GRM8: variants seen among roughly 807,000 people sequenced by gnomAD.
GRM8 encodes the protein glutamate metabotropic receptor 8, also known as metabotropic glutamate receptor 8.
Under a neutral mutation model 87.2 loss-of-function variants are expected in GRM8, and 47 were observed. The observed-to-expected ratio is 0.54, with a 90% confidence interval of 0.43 to 0.69. The LOEUF (loss-of-function observed/expected upper bound fraction) is 0.69, where lower values mean the gene tolerates loss of function less well. Ranked by LOEUF, GRM8 falls within the 30% of genes least tolerant of loss-of-function variation. The pLI is 0.00. For missense variants in GRM8, 1,019 were observed against 1,139.2 expected (o/e 0.89, Z 1.52); for synonymous variants, 396 against 404.5 (o/e 0.98, Z 0.25).
intron 7 of GRM8, among the ~76,000 whole-genome samples, chr7:126,707,951 G>A (rs912440651): frequency 6.6e-6 from 1 of 151,984 alleles, no homozygotes; most frequent in African/African-American, 2.4e-5. Flanking sequence ...TCAACAAAAT[G>A]AAAAGGCAAC....
At chr7:126,882,016 T>C (rs570497460) in intron 6 of GRM8, among the ~76,000 whole-genome samples, 5 of 152,310 alleles carry the variant, frequency 3.3e-5, no homozygotes, top group East Asian at 1.9e-4. Flanking sequence ...TTAACAAATA[T>C]GGCAGGACAT....
chr7:126,718,690 T>C (rs1242120478), intron 7 of GRM8, among the ~76,000 whole-genome samples: 1 of 152,226 alleles, frequency 6.6e-6, no homozygotes, highest in Admixed American at 6.5e-5. Context: ...ATCAGCTCCA[T>C]TGTTCATGCT....
At chr7:126,560,222 TG>T (rs1361574946) in intron 8 of GRM8, among the ~76,000 whole-genome samples, 8 of 152,240 alleles carry the variant, frequency 5.3e-5, no homozygotes, top group African/African-American at 1.9e-4. Flanking sequence ...TATAAGTCAC[TG>T]ATTTTTTAAC....
At chr7:127,017,122 T>G (rs1815764066) in intron 3 of GRM8, among the ~76,000 whole-genome samples, 1 of 152,054 alleles carries the variant, frequency 6.6e-6, no homozygotes, top group Non-Finnish European at 1.5e-5. Flanking sequence ...ACAAAACCCT[T>G]TATTACTGCA....
intron 3 of GRM8, among the ~76,000 whole-genome samples, chr7:127,014,191 G>T (rs1815170823): frequency 6.6e-6 from 1 of 152,196 alleles, no homozygotes; most frequent in African/African-American, 2.4e-5. Flanking sequence ...GCAAATAGGG[G>T]CCGCTGGCCT....
At chr7:126,918,302 C>T (rs1804146323) in intron 3 of GRM8, among the ~76,000 whole-genome samples, 1 of 152,084 alleles carries the variant, frequency 6.6e-6, no homozygotes, top group Non-Finnish European at 1.5e-5. Flanking sequence ...CAGCCAAAAA[C>T]CAGAAAAATC....
chr7:127,209,080 A>T (rs1029094020), intron 2 of GRM8, among the ~76,000 whole-genome samples: 1 of 152,242 alleles, frequency 6.6e-6, no homozygotes, highest in African/African-American at 2.4e-5. Context: ...GGGCCAGCCA[A>T]TCATGAGCTG....
At chr7:126,472,518 G>A (rs1226272384) in intron 9 of GRM8, among the ~76,000 whole-genome samples, 1 of 152,108 alleles carries the variant, frequency 6.6e-6, no homozygotes, top group Non-Finnish European at 1.5e-5. Flanking sequence ...CAAAGATATG[G>A]TTTGGAATTG....
chr7:126,834,209 A>G (rs1395453820), intron 6 of GRM8, among the ~76,000 whole-genome samples: 1 of 152,210 alleles, frequency 6.6e-6, no homozygotes, highest in Non-Finnish European at 1.5e-5. Context: ...TTAGAAAACT[A>G]TCTTTGACAG....
At chr7:126,623,981 C>T (rs1038887380) in intron 7 of GRM8, among the ~76,000 whole-genome samples, 10 of 152,250 alleles carry the variant, frequency 6.6e-5, no homozygotes, top group African/African-American at 2.4e-4. Flanking sequence ...AATGCATGGA[C>T]AGGTTCTATC....
intron 7 of GRM8, among the ~76,000 whole-genome samples, chr7:126,616,624 G>A (rs1185183754): frequency 1.8e-4 from 27 of 152,024 alleles, no homozygotes; most frequent in Admixed American, 9.8e-4. Flanking sequence ...TTGATAGACC[G>A]CTAGCAAGAC....
intron 2 of GRM8, among the ~76,000 whole-genome samples, chr7:127,121,520 C>A (rs145416366): frequency 6.6e-6 from 1 of 152,080 alleles, no homozygotes; most frequent in African/African-American, 2.4e-5. Context: ...CTCCTCTGTA[C>A]CTATATTAGT....
intron 2 of GRM8, among the ~76,000 whole-genome samples, chr7:127,186,140 A>G (rs528691630): frequency 1.1e-3 from 175 of 152,298 alleles, no homozygotes; most frequent in African/African-American, 4.1e-3. Flanking sequence ...CCACGGCTAA[A>G]GAGATAACTA....
At chr7:126,631,853 C>CT (rs1161638438) in intron 7 of GRM8, among the ~76,000 whole-genome samples, 1 of 152,078 alleles carries the variant, frequency 6.6e-6, no homozygotes, top group African/African-American at 2.4e-5. Flanking sequence ...AACTGGATCC[C>CT]TTTTTTACAC....
chr7:126,940,333 C>A (rs920015058), intron 3 of GRM8, among the ~76,000 whole-genome samples: 1 of 152,142 alleles, frequency 6.6e-6, no homozygotes, highest in Admixed American at 6.5e-5. Context: ...ATATAGTCAC[C>A]ACCCAGGTCT....
intron 7 of GRM8, among the ~76,000 whole-genome samples, chr7:126,616,409 C>A (rs922726641): frequency 6.6e-6 from 1 of 152,066 alleles, no homozygotes; most frequent in Non-Finnish European, 1.5e-5. Context: ...ACGAAATGCC[C>A]ACAAGAGAAA....
At chr7:126,562,331 G>A (rs1793796359) in intron 8 of GRM8, among the ~76,000 whole-genome samples, 1 of 152,138 alleles carries the variant, frequency 6.6e-6, no homozygotes, top group Non-Finnish European at 1.5e-5. Context: ...TGTGATAATA[G>A]GAATGTGTAC....
chr7:127,171,276 C>A (rs1176907273), intron 2 of GRM8, among the ~76,000 whole-genome samples: 1 of 152,126 alleles, frequency 6.6e-6, no homozygotes. Context: ...AGAATCTATT[C>A]CTGGTGAAAA....
intron 7 of GRM8, among the ~76,000 whole-genome samples, chr7:126,732,470 C>A (rs888698500): frequency 6.6e-6 from 1 of 152,022 alleles, no homozygotes; most frequent in African/African-American, 2.4e-5. Context: ...TATTCATATC[C>A]CAAATTAGAG....
Sources: allele counts gnomAD v4.1 joint callset (sites outside exome capture counted in the v4.1 genomes callset), GRCh38; gene constraint gnomAD v4.1.1; transcripts MANE v1.5; gene names NCBI Gene and HGNC (gene_info 2026-07-23, HGNC 2026-07-21).